Variants in NRXN3 observed in about 807,000 individuals in gnomAD.
NRXN3 encodes the protein neurexin 3.
Under a neutral mutation model 137.6 loss-of-function variants are expected in NRXN3, and 32 were observed. The observed-to-expected ratio is 0.23, with a 90% CI of 0.18 to 0.31. The LOEUF (loss-of-function observed/expected upper bound fraction) is 0.31. Ranked by LOEUF, NRXN3 falls within the 10% of genes least tolerant of loss-of-function variation. The probability of loss-of-function intolerance (pLI) is 1.00; values close to 1 mark genes in which losing one functional copy is unlikely to be tolerated. For synonymous variants in NRXN3, 798 were observed against 784.5 expected, an observed-to-expected ratio of 1.02 and a Z score of -0.29; for missense variants, 1,574 against 2,062.5, an observed-to-expected ratio of 0.76 and a Z score of 4.59.
chr14:79,216,921 G>C (rs1161317810), intron 15 of NRXN3, among the ~76,000 whole-genome samples: 1 of 152,130 alleles, frequency 6.6e-6, no homozygotes, highest in Non-Finnish European at 1.5e-5. Flanking sequence ...TGGATCACAA[G>C]GTCAGCAGAT....
intron 15 of NRXN3, among the ~76,000 whole-genome samples, chr14:79,186,975 A>G (rs1200989350): frequency 5.9e-5 from 9 of 152,164 alleles, no homozygotes; most frequent in African/African-American, 1.9e-4. Context: ...TTTGATCTAT[A>G]TGTTATATGG....
chr14:78,331,067 A>G (rs1306986074), intron 4 of NRXN3, among the ~76,000 whole-genome samples: 4 of 152,202 alleles, frequency 2.6e-5, no homozygotes, highest in African/African-American at 9.6e-5. Context: ...CTTAGATTTT[A>G]TGCAGGATAT....
intron 4 of NRXN3, among the ~76,000 whole-genome samples, chr14:78,329,430 T>A (rs1432847097): frequency 6.6e-6 from 1 of 152,200 alleles, no homozygotes; most frequent in Non-Finnish European, 1.5e-5. Flanking sequence ...ACATCATGTG[T>A]AATACTTGAT....
At chr14:79,052,500 C>T in intron 15 of NRXN3, among the ~76,000 whole-genome samples, 1 of 152,184 alleles carries the variant, frequency 6.6e-6, no homozygotes, top group East Asian at 1.9e-4. Flanking sequence ...TGGGATACAT[C>T]CTGCACTAGC....
chr14:78,313,169 T>G (rs554785465), intron 4 of NRXN3, among the ~76,000 whole-genome samples: 12 of 152,246 alleles, frequency 7.9e-5, no homozygotes, highest in Admixed American at 2.0e-4. Context: ...CTCCAAAAAT[T>G]ATAGGAAAAA....
chr14:79,495,167 C>T (rs2096754172), intron 16 of NRXN3, among the ~76,000 whole-genome samples: 2 of 152,158 alleles, frequency 1.3e-5, no homozygotes, highest in African/African-American at 4.8e-5. Context: ...CAGGGTATAG[C>T]ATGTGCGCAG....
chr14:79,202,656 T>C (rs2066216214), intron 15 of NRXN3, among the ~76,000 whole-genome samples: 1 of 152,156 alleles, frequency 6.6e-6, no homozygotes, highest in Admixed American at 6.5e-5. Flanking sequence ...CTGAGTTACG[T>C]CATTTAGAAT....
intron 15 of NRXN3, among the ~76,000 whole-genome samples, chr14:79,210,863 G>A (rs769264169): frequency 1.3e-5 from 2 of 152,040 alleles, no homozygotes; most frequent in Non-Finnish European, 2.9e-5. Context: ...TTCTTCAGTG[G>A]GCTGGTAATC....
chr14:79,343,310 C>T (rs2092705949), intron 15 of NRXN3, among the ~76,000 whole-genome samples: 1 of 152,112 alleles, frequency 6.6e-6, no homozygotes. Context: ...TTGTTTTAAA[C>T]TGTAAGCTAT....
chr14:78,314,277 A>G (rs561522029), intron 4 of NRXN3, among the ~76,000 whole-genome samples: 1 of 152,332 alleles, frequency 6.6e-6, no homozygotes, highest in African/African-American at 2.4e-5. Flanking sequence ...ACAGGGATAC[A>G]GGGAAGTAGC....
intron 4 of NRXN3, among the ~76,000 whole-genome samples, chr14:78,514,739 G>A (rs769084738): frequency 8.5e-5 from 13 of 152,132 alleles, no homozygotes; most frequent in Non-Finnish European, 1.6e-4. Flanking sequence ...ATAGAACTAT[G>A]AAATGTTAAA....
chr14:78,957,376 G>C lies in NRXN3; in HGVS notation c.2395+15G>C. ...TGTGGCTGAGGGTGAGTATGACTAT[G>C]GTGAAATTCGTCTGTCTTTTCTCTC... On this transcript the variant is annotated intron_variant, in intron 11 of 20. Coordinates refer to ENST00000335750, the MANE Select transcript of NRXN3 (RefSeq NM_001330195.2). 1.2e-6 allele frequency: 2 copies of C among 1,601,084 alleles called. No homozygotes were observed. Among genetic ancestry groups the C allele is most frequent in the Non-Finnish European group, 1.7e-6 (2 of 1,178,292 alleles).
intron 4 of NRXN3, among the ~76,000 whole-genome samples, chr14:78,444,734 A>G (rs976062213): frequency 6.6e-6 from 1 of 151,822 alleles, no homozygotes; most frequent in South Asian, 2.1e-4. Context: ...AGCTTGGCCA[A>G]CATAGTGAAA....
intron 20 of NRXN3, among the ~76,000 whole-genome samples, chr14:79,828,400 A>G (rs2141192661): frequency 6.6e-6 from 1 of 152,012 alleles, no homozygotes; most frequent in East Asian, 2.0e-4. Flanking sequence ...TGGGCGGATC[A>G]CCTGAGGTCA....
At chr14:78,362,418 T>A (rs1390258278) in intron 4 of NRXN3, among the ~76,000 whole-genome samples, 1 of 152,180 alleles carries the variant, frequency 6.6e-6, no homozygotes, top group Non-Finnish European at 1.5e-5. Context: ...TATTGCACTT[T>A]AAAAAGTCAA....
chr14:79,074,889 T>C (rs2045711765), intron 15 of NRXN3: 1 of 152,188 alleles, frequency 6.6e-6, no homozygotes. Context: ...AAACCCTGCA[T>C]TGATTTCTGC....
intron 20 of NRXN3, among the ~76,000 whole-genome samples, chr14:79,820,654 C>T (rs1342292888): frequency 6.6e-6 from 1 of 152,102 alleles, no homozygotes; most frequent in Non-Finnish European, 1.5e-5. Context: ...CTGCTCCCTC[C>T]ATCCTCTCAC....
chr14:79,141,633 G>T (rs2058794119), intron 15 of NRXN3, among the ~76,000 whole-genome samples: 2 of 152,100 alleles, frequency 1.3e-5, no homozygotes, highest in South Asian at 4.1e-4. Context: ...GCCAGTGATT[G>T]CTCCTCAGTA....
chr14:78,451,950 A>G (rs1470767107), intron 4 of NRXN3, among the ~76,000 whole-genome samples: 1 of 152,220 alleles, frequency 6.6e-6, no homozygotes, highest in Admixed American at 6.5e-5. Context: ...TTTAGAAAAT[A>G]ATAGAATCTT....
Sources: gnomAD v4.1 joint callset for allele counts (sites outside exome capture counted in the v4.1 genomes callset) on GRCh38, gnomAD v4.1.1 for gene constraint, MANE v1.5 for transcripts, NCBI Gene and HGNC (gene_info 2026-07-23, HGNC 2026-07-21) for gene names.